HMCN1: variants seen among roughly 807,000 people sequenced by gnomAD.
HMCN1 encodes hemicentin 1.
HMCN1 carries 321 observed loss-of-function variants against 625.9 expected under a neutral mutation model. That is an observed-to-expected ratio of 0.51 (90% CI 0.47 to 0.56). The LOEUF is 0.56. Among genes scored for constraint, HMCN1 ranks in the 20% least tolerant of loss-of-function variants. HMCN1 has a pLI of 0.00. For synonymous variants in HMCN1, 2,425 were observed against 2,417.6 expected (o/e 1.00, Z -0.09); for missense variants, 6,588 against 6,887.3 (o/e 0.96, Z 1.54).
rs992861970 is a variant in HMCN1 at position 186,093,550 on chromosome 1, A to G, written c.10077A>G (p.Ser3359=). The G allele has an allele frequency of 6.2e-7, 1 of 1,613,496 alleles. No individual in the cohort carries two copies. Among genetic ancestry groups the G allele is most frequent in the Admixed American group, 1.7e-5 (1 of 59,908 alleles). ...AACTAATGACTTTAGTGGATACTTCAATAAATATTGAATGCAGAGCCACAG... is the reference window on the plus strand; with the variant it reads ...AACTAATGACTTTAGTGGATACTTCGATAAATATTGAATGCAGAGCCACAG... ...AEKLMTLVDT[S]INIECRATGT... Residue 3359 remains serine, a synonymous_variant, in exon 66 of 107, where the codon TCA becomes TCG. Coordinates refer to ENST00000271588, the MANE Select transcript of HMCN1 (RefSeq NM_031935.3).
At chr1:185,989,803 C>A in intron 21 of HMCN1, among the ~76,000 whole-genome samples, 156 bp downstream of exon 21, 1 of 143,346 alleles carries the variant, frequency 7.0e-6, no homozygotes. Context: ...TACAGAAATG[C>A]ATTTTTTACT....
chr1:186,151,535 A>C, intron 94 of HMCN1, 71 bp from the exon 95 acceptor site: 1 of 1,449,458 alleles, frequency 6.9e-7, no homozygotes. Flanking sequence ...CCTTGTGAAT[A>C]ATATGCTATG....
Position 185,890,352 on chromosome 1 carries a change from G to C in HMCN1, c.622-18985G>C, listed in dbSNP as rs142221614. Among the ~76,000 whole-genome samples, 1,312 of 147,918 alleles carry C rather than the reference G, an allele frequency of 8.9e-3. 221 individuals are homozygous for C. Among genetic ancestry groups the C allele is most frequent in the African/African-American group, 0.032 (1,194 of 37,376 alleles). Reference sequence around the variant, plus strand: ...TTTAGGTATTTCTTGCCTTCTGCTAGCTTTTGAATGGGTTTTCTCTTGCTT... The same window carrying C: ...TTTAGGTATTTCTTGCCTTCTGCTACCTTTTGAATGGGTTTTCTCTTGCTT... On this transcript the variant is annotated intron_variant, in intron 4 of 106. Coordinates refer to ENST00000271588, the MANE Select transcript of HMCN1 (RefSeq NM_031935.3).
At position 185,923,577 on chromosome 1, in the gene HMCN1, C is replaced by T. The variant is rs369235663; in HGVS notation, c.1209C>T (p.Leu403=). Residue 403 remains leucine, a synonymous_variant, in exon 8 of 107, where the codon CTC becomes CTT. Transcript: ENST00000271588. ...TACCACCAAATGAAGCTTTCTTTCT[C>T]AAAGTAACAGGCTATGATAAAGATG... The part of the protein sequence containing the change: ...DFVPPNEAFF[L]KVTGYDKDDY... 5.0e-6 allele frequency: 8 copies of T among 1,609,882 alleles called. No individual in the cohort carries two copies. The highest frequency in any genetic ancestry group is 1.7e-5 in the Admixed American group (1 of 59,992).
chr1:186,028,989 C>T (rs531218053), intron 36 of HMCN1, among the ~76,000 whole-genome samples: 275 of 152,080 alleles, frequency 1.8e-3, no homozygotes, highest in Non-Finnish European at 3.1e-3. Flanking sequence ...GCCTCAGCCT[C>T]CCAAAGTCCT....
intron 2 of HMCN1, among the ~76,000 whole-genome samples, chr1:185,852,514 C>A (rs1007812278): frequency 6.7e-6 from 1 of 150,338 alleles, no homozygotes; most frequent in Non-Finnish European, 1.5e-5. Context: ...CATGATTCAA[C>A]TTAGAAAAGC....
At chr1:185,995,145 T>C in intron 24 of HMCN1, 58 bp downstream of exon 24, 1 of 1,430,144 alleles carries the variant, frequency 7.0e-7, no homozygotes, top group East Asian at 2.3e-5. Context: ...AGAAAAGCCC[T>C]AGAGCTAAAT....
chr1:186,167,362 C>A (rs1432930522), intron 100 of HMCN1, among the ~76,000 whole-genome samples: 1 of 152,146 alleles, frequency 6.6e-6, no homozygotes, highest in Non-Finnish European at 1.5e-5. Flanking sequence ...AGGTTCACAG[C>A]AAAATTGAGT....
At chr1:185,772,998 G>A (rs192386247) in intron 1 of HMCN1, among the ~76,000 whole-genome samples, 1 of 152,078 alleles carries the variant, frequency 6.6e-6, no homozygotes, top group African/African-American at 2.4e-5. Flanking sequence ...CTCCCCAAAA[G>A]CCCCACCTCC....
chr1:185,806,057 A>G (rs1186355490), intron 1 of HMCN1, among the ~76,000 whole-genome samples: 1 of 151,196 alleles, frequency 6.6e-6, no homozygotes, highest in Admixed American at 6.6e-5. Flanking sequence ...CCAAGCATGT[A>G]CAAACTTGAT....
At chr1:186,087,724 C>G in intron 60 of HMCN1, 79 bp downstream of exon 60, 1 of 1,351,328 alleles carries the variant, frequency 7.4e-7, no homozygotes, top group Non-Finnish European at 1.1e-6. Flanking sequence ...TGCATATTCC[C>G]TTTTACTACA....
intron 11 of HMCN1, among the ~76,000 whole-genome samples, chr1:185,939,348 G>A (rs1343147530): frequency 2.0e-5 from 3 of 152,148 alleles, no homozygotes; most frequent in Non-Finnish European, 4.4e-5. Context: ...CCCCAGGAAA[G>A]GAATCCCCTC....
intron 40 of HMCN1, among the ~76,000 whole-genome samples, chr1:186,042,991 G>A (rs190799667): frequency 6.4e-4 from 98 of 152,156 alleles, no homozygotes; most frequent in Non-Finnish European, 1.0e-3. Context: ...GTATAATTCA[G>A]AGTATGTTTT....
chr1:185,804,440 T>A (rs1039660736), intron 1 of HMCN1, among the ~76,000 whole-genome samples: 10 of 152,068 alleles, frequency 6.6e-5, no homozygotes, highest in African/African-American at 2.4e-4. Context: ...ACCTTGAGAG[T>A]GCTTCACTGA....
At chr1:185,917,376 G>A (rs1025427609) in intron 6 of HMCN1, among the ~76,000 whole-genome samples, 5 of 152,122 alleles carry the variant, frequency 3.3e-5, no homozygotes, top group Admixed American at 6.5e-5. Context: ...TGAGAAAGGC[G>A]TTGAACTTGG....
rs774859392 is a variant in HMCN1, at chr1:186,171,331, T to C, written c.15575-6T>C. 3 of 1,603,244 alleles carry C rather than the reference T, an allele frequency of 1.9e-6. No homozygotes were observed. Among genetic ancestry groups the C allele is most frequent in the East Asian group, 2.2e-5 (1 of 44,784 alleles). On this transcript the variant is annotated splice_region_variant and splice_polypyrimidine_tract_variant and intron_variant, in intron 100 of 106. Transcript: ENST00000271588. ...CATATAATGAAAGTTTTGTTTTATT[T>C]AACAGATATTAATGAATGTCAAGAA...
In HMCN1 at chr1:185,734,755, G is replaced by A. The variant is rs775597907; in HGVS notation, c.-25G>A. 1.5e-5 allele frequency: 25 copies of A among 1,613,138 alleles called. No homozygotes were observed. Among genetic ancestry groups the A allele is most frequent in the Non-Finnish European group, 2.0e-5 (24 of 1,179,548 alleles). On this transcript the variant is annotated 5_prime_UTR_variant, in exon 1 of 107. Transcript: ENST00000271588. Reference sequence around the variant, plus strand: ...AGCACAGTGCTTAGGCGCTGAGGGGGAAAAAGAGGGGGAAAAAAAAGAAAA... The same window carrying A: ...AGCACAGTGCTTAGGCGCTGAGGGGAAAAAAGAGGGGGAAAAAAAAGAAAA...
intron 97 of HMCN1, among the ~76,000 whole-genome samples, chr1:186,158,628 G>T (rs1274282885): frequency 6.6e-6 from 1 of 152,096 alleles, no homozygotes; most frequent in Non-Finnish European, 1.5e-5. Context: ...TGTAAGGAAG[G>T]GATCCAGTTT....
chr1:185,980,005 T>C (rs968083383), intron 16 of HMCN1, among the ~76,000 whole-genome samples: 1 of 152,074 alleles, frequency 6.6e-6, no homozygotes, highest in Non-Finnish European at 1.5e-5. Context: ...AACCTATAAC[T>C]CAGTAGTCCC....
Sources: allele counts gnomAD v4.1 joint callset (sites outside exome capture counted in the v4.1 genomes callset), GRCh38; gene constraint gnomAD v4.1.1; transcripts MANE v1.5; gene names NCBI Gene and HGNC (gene_info 2026-07-23, HGNC 2026-07-21).